Variants in PSG6 observed in about 807,000 individuals in gnomAD.
PSG6 encodes the protein pregnancy-specific beta-1-glycoprotein 6.
In PSG6, 51 loss-of-function variants were observed where a neutral mutation model predicts 43.3. The ratio of observed to expected loss-of-function variants is 1.18; its 90% confidence interval spans 0.94 to 1.49. The LOEUF (loss-of-function observed/expected upper bound fraction) is 1.49, where lower values mean the gene tolerates loss of function less well. PSG6 is among the 40% of genes most tolerant of loss of function. The probability of loss-of-function intolerance (pLI) is 0.00; values close to 1 mark genes in which losing one functional copy is unlikely to be tolerated. For missense variants in PSG6, 770 were observed against 522.2 expected (o/e 1.47, Z -4.62); for synonymous variants, 292 against 197.6 (o/e 1.48, Z -4.01).
At chr19:42,911,063 T>C (rs57531963) in intron 2 of PSG6, among the ~76,000 whole-genome samples, 4,875 of 151,494 alleles carry the variant, frequency 0.032, 324 homozygotes, top group African/African-American at 0.11. Flanking sequence ...AGGAGAAGCA[T>C]GGACTTTCTC....
chr19:42,913,791 G>A (rs58527368), intron 2 of PSG6, among the ~76,000 whole-genome samples: 1 of 151,506 alleles, frequency 6.6e-6, no homozygotes, highest in African/African-American at 2.4e-5. Context: ...CCAGTCATGT[G>A]GCCCCTACCT....
rs755987161 is a variant in PSG6, at chr19:42,907,571, C to T, written c.985+5G>A. On this transcript the variant is annotated splice_donor_5th_base_variant and intron_variant, in intron 4 of 5. Transcript: ENST00000187910. ...CTGGCCCACAGAGGAACAAAGGATA[C>T]TCACAGAGGACATTCAGGGTGACTG... 1 of 1,611,192 alleles carries T rather than the reference C, an allele frequency of 6.2e-7. No homozygotes were observed. The highest frequency in any genetic ancestry group is 8.5e-7 in the Non-Finnish European group (1 of 1,178,694).
Position 42,907,710 on chromosome 19 carries a change from C to T in PSG6, c.851G>A (p.Arg284Lys), listed in dbSNP as rs1240519733. 2 of 1,610,840 alleles carry T rather than the reference C, an allele frequency of 1.2e-6. No individual in the cohort carries two copies. Among genetic ancestry groups the T allele is most frequent in the Admixed American group, 1.7e-5 (1 of 59,890 alleles). Residue 284 changes from arginine to lysine, a missense_variant, in exon 4 of 6, where the codon AGG becomes AAG. By Grantham distance (26) the Arg-to-Lys change is conservative. Coordinates refer to ENST00000187910, the MANE Select transcript of PSG6 (RefSeq NM_001031850.4). ...CCTGTTTTCAATGGGTCGCTTTACC[C>T]TCGGACTGACCGGGAGGCTCTGACC... ...LNGQSLPVSP[R>K]VKRPIENRIL...
At chr19:42,902,531 A>G in intron 5 of PSG6, 85 bp from the exon 6 acceptor site, 1 of 1,556,790 alleles carries the variant, frequency 6.4e-7, no homozygotes, top group Non-Finnish European at 8.8e-7. Flanking sequence ...GGCTCCCAGC[A>G]AGGGTGTGAA....
At chr19:42,903,897 C>T (rs1477105974) in intron 5 of PSG6, among the ~76,000 whole-genome samples, 1 of 151,350 alleles carries the variant, frequency 6.6e-6, no homozygotes, top group Non-Finnish European at 1.5e-5. Context: ...GAGCCTGTCT[C>T]TCTGTCTTAA....
At chr19:42,906,741 C>T (rs556071491) in intron 5 of PSG6, 181 bp downstream of exon 5, 1 of 1,544,630 alleles carries the variant, frequency 6.5e-7, no homozygotes, top group East Asian at 2.3e-5. Flanking sequence ...CATGAGAAAA[C>T]AGAAAAACAA....
Position 42,917,718 on chromosome 19 carries a change from C to G in PSG6, c.64+11G>C, listed in dbSNP as rs192221590. The G allele has an allele frequency of 1.9e-6, 3 of 1,607,666 alleles. No individual in the cohort carries two copies. Among genetic ancestry groups the G allele is most frequent in the Non-Finnish European group, 2.6e-6 (3 of 1,176,144 alleles). ...CTCCTCCTGTCCTCTCCCAGGAAGT[C>G]CTCTCCTCACCTGTGAGCAGGAGCC... On this transcript the variant is annotated intron_variant, in intron 1 of 5. Coordinates refer to ENST00000187910, the MANE Select transcript of PSG6 (RefSeq NM_001031850.4).
intron 1 of PSG6, among the ~76,000 whole-genome samples, chr19:42,917,078 T>A (rs1384732824): frequency 6.6e-6 from 1 of 150,744 alleles, no homozygotes; most frequent in Non-Finnish European, 1.5e-5. Flanking sequence ...CCTGGGTGTT[T>A]TTTTTCCCCC....
chr19:42,907,967 A>T, intron 3 of PSG6, 113 bp from the exon 4 acceptor site: 1 of 1,447,828 alleles, frequency 6.9e-7, no homozygotes, highest in Non-Finnish European at 9.4e-7. Context: ...CTTGAAAGCC[A>T]GTAGCTGGTG....
intron 5 of PSG6, among the ~76,000 whole-genome samples, chr19:42,904,636 A>C (rs1972084494): frequency 1.3e-5 from 2 of 151,786 alleles, no homozygotes; most frequent in Non-Finnish European, 2.9e-5. Flanking sequence ...GAAAGAAATG[A>C]AAGATGACAT....
rs1200570708 is a variant in PSG6 at position 42,916,522 on chromosome 19, AC to A, written c.65-36del. The stretch of plus-strand genomic sequence containing the variant: ...AGAGACAGCATCAGTTAATATTTGG[AC>A]CTATGTATTGGGGTGAAAAGATGGG... On this transcript the variant is annotated intron_variant, in intron 1 of 5. Transcript: ENST00000187910. The A allele has an allele frequency of 8.8e-6, 14 of 1,589,484 alleles. 1 individual carries two copies. The highest frequency in any genetic ancestry group is 1.7e-5 in the Admixed American group (1 of 58,450).
At chr19:42,917,701 G>A (rs760330388) in intron 1 of PSG6, 28 bp downstream of exon 1, 2 of 1,606,802 alleles carry the variant, frequency 1.2e-6, no homozygotes. Context: ...TCCTCCTCCT[G>A]TCCTCTCCCA....
chr19:42,917,616 G>C (rs1367439458), intron 1 of PSG6, 113 bp downstream of exon 1: 2 of 1,479,482 alleles, frequency 1.4e-6, no homozygotes, highest in East Asian at 2.4e-5. Context: ...ACCCACCTCA[G>C]CCTCCCTAAG....
rs188958293 is a variant in PSG6, at chr19:42,903,082, G to T, written c.1241-636C>A. ...CTTAGCATGGTGTAAAAACTTTCCT[G>T]GTGTCATATGGCTAGTGACAGGTGG... is the stretch of plus-strand genomic sequence containing the variant. On this transcript the variant is annotated intron_variant, in intron 5 of 5. Coordinates refer to ENST00000187910, the MANE Select transcript of PSG6 (RefSeq NM_001031850.4). 3.5e-4 allele frequency among the ~76,000 whole-genome samples: 53 copies of T among 151,490 alleles called. 1 individual carries two copies. The highest frequency in any genetic ancestry group is 1.1e-3 in the African/African-American group (44 of 41,270).
At position 42,910,825 on chromosome 19, in the gene PSG6, T is replaced by G. The variant is rs138682724; in HGVS notation, c.461A>C (p.Asn154Thr). Residue 154 changes from asparagine (N) to threonine (T), a missense_variant, in exon 3 of 6, where the codon AAC (asparagine) becomes ACC (threonine). Asn to Thr is a moderately conservative substitution (Grantham distance 65, BLOSUM62 0). Coordinates refer to ENST00000187910, the MANE Select transcript of PSG6 (RefSeq NM_001031850.4). ...CTCCATGACCTCCCTGGGGTTTAAG[T>G]TGCTGCTGGAGATGGAGGGCTTGGG... ...ETPKPSISSS[N>T]LNPREVMEAV... 6.2e-7 allele frequency: 1 copy of G among 1,611,784 alleles called. No individual in the cohort carries two copies. The highest frequency in any genetic ancestry group is 1.3e-5 in the African/African-American group (1 of 74,820).
At chr19:42,912,325 T>C (rs1475973034) in intron 2 of PSG6, among the ~76,000 whole-genome samples, 1 of 151,678 alleles carries the variant, frequency 6.6e-6, no homozygotes, top group Non-Finnish European at 1.5e-5. Flanking sequence ...GGAGGAAACC[T>C]TAAAATGTTT....
At chr19:42,910,470 C>T (rs1295281553) in intron 3 of PSG6, 110 bp downstream of exon 3, 7 of 1,610,722 alleles carry the variant, frequency 4.3e-6, no homozygotes, top group East Asian at 4.5e-5. Context: ...CTTTGATGTT[C>T]AGGGATAAAG....
chr19:42,903,728 A>G lies in PSG6; in HGVS notation c.1241-1282T>C, dbSNP rs1017463659. ...ACCTGGGGAGATGCTGTCTCTACAAAAAAAAAAAAAACCAATTAGCTGGGC... is the reference window on the plus strand; with the variant it reads ...ACCTGGGGAGATGCTGTCTCTACAAGAAAAAAAAAAACCAATTAGCTGGGC... On this transcript the variant is annotated intron_variant, in intron 5 of 5. Coordinates refer to ENST00000187910, the MANE Select transcript of PSG6 (RefSeq NM_001031850.4). 44 of 1,407,524 alleles carry G rather than the reference A, an allele frequency of 3.1e-5. 1 individual carries two copies. Among genetic ancestry groups the G allele is most frequent in the Non-Finnish European group, 3.5e-5 (37 of 1,048,894 alleles). 87.2% of individuals were successfully genotyped at this position (1,407,524 alleles called of 1,614,324 possible).
chr19:42,903,741 C>T, intron 5 of PSG6: 1 of 1,505,830 alleles, frequency 6.6e-7, no homozygotes, highest in Non-Finnish European at 8.9e-7. Flanking sequence ...AAAAAAAAAC[C>T]AATTAGCTGG....
Sources: allele counts gnomAD v4.1 joint callset (sites outside exome capture counted in the v4.1 genomes callset), GRCh38; gene constraint gnomAD v4.1.1; transcripts MANE v1.5; gene names NCBI Gene and HGNC (gene_info 2026-07-23, HGNC 2026-07-21).